Variants in ZNF69 observed in about 807,000 individuals in gnomAD.
The protein encoded by ZNF69 is ZNF3.
Under a neutral mutation model 50.9 loss-of-function variants are expected in ZNF69, and 47 were observed. The ratio of observed to expected loss-of-function variants is 0.92; its 90% CI spans 0.73 to 1.18. The LOEUF is 1.18. Among genes scored for constraint, ZNF69 ranks in the 50% most tolerant of loss-of-function variants. The pLI is 0.00. For synonymous variants in ZNF69, 216 were observed against 223.1 expected (o/e 0.97, Z 0.29); for missense variants, 717 against 675.1 (o/e 1.06, Z -0.69).
At chr19:11,976,378 G>C in the ZNF69 span, among the ~76,000 whole-genome samples, 27,597 of 151,264 alleles carry the variant, frequency 0.18, 5,450 homozygotes, top group African/African-American at 0.5. Context: ...ACCCCTTGTT[G>C]AGTTCTAGCA....
chr19:11,940,469 G>C, the ZNF69 span, among the ~76,000 whole-genome samples: 1 of 152,094 alleles, frequency 6.6e-6, no homozygotes, highest in Non-Finnish European at 1.5e-5. Flanking sequence ...TTCGTGGTGA[G>C]TGTTAACAGC....
In ZNF69 at chr19:11,906,280, C is replaced by G; in HGVS notation, c.*182C>G. ...ATAGCTGAACAAAAGGCAGCAGAAACTTCTGCAGACTTAAATGTCCCTGTC... is the reference window on the plus strand; with the variant it reads ...ATAGCTGAACAAAAGGCAGCAGAAAGTTCTGCAGACTTAAATGTCCCTGTC... On this transcript the variant is annotated 3_prime_UTR_variant, in exon 4 of 4. Coordinates refer to ENST00000429654, the MANE Select transcript of ZNF69 (RefSeq NM_001364730.1). 6.9e-7 allele frequency: 1 copy of G among 1,442,444 alleles called. No individual in the cohort carries two copies. Among genetic ancestry groups the G allele is most frequent in the East Asian group, 2.4e-5 (1 of 40,932 alleles). The allele number at this position is 1,442,444 out of a possible 1,614,324, so 89.4% of individuals were successfully genotyped here.
the ZNF69 span, among the ~76,000 whole-genome samples, chr19:11,933,495 T>A: frequency 4.7e-5 from 7 of 147,654 alleles, no homozygotes; most frequent in Non-Finnish European, 8.8e-5. Flanking sequence ...GGCCTCAAAA[T>A]CCCCTGTGCT....
the ZNF69 span, among the ~76,000 whole-genome samples, chr19:11,943,300 A>G: frequency 6.6e-6 from 1 of 152,104 alleles, no homozygotes; most frequent in Non-Finnish European, 1.5e-5. Context: ...GGTTAGGTTA[A>G]ATTTTCCATA....
rs770968851 is a variant in ZNF69, at chr19:11,905,983, C to G, written c.1586C>G (p.Thr529Ser). ...TTTCGATACCATGAAAGGACTCACACTGGAGAGAAACCCTATAAATGCAAG... is the reference window on the plus strand; with the variant it reads ...TTTCGATACCATGAAAGGACTCACAGTGGAGAGAAACCCTATAAATGCAAG... ...SSFRYHERTH[T>S]GEKPYKCKQC... Residue 529 changes from threonine to serine, a missense_variant, in exon 4 of 4, where the codon ACT becomes AGT. Thr to Ser is a moderately conservative substitution (Grantham distance 58). Coordinates refer to ENST00000429654, the MANE Select transcript of ZNF69 (RefSeq NM_001364730.1). The G allele has an allele frequency of 3.7e-6, 6 of 1,613,984 alleles. No homozygotes were observed. The highest frequency in any genetic ancestry group is 5.1e-6 in the Non-Finnish European group (6 of 1,180,008).
downstream of ZNF69, among the ~76,000 whole-genome samples, chr19:11,910,602 A>G (rs1972443839): frequency 6.6e-6 from 1 of 152,234 alleles, no homozygotes; most frequent in Admixed American, 6.5e-5. Context: ...TGGTGCTGGG[A>G]AAACTGGCTA....
downstream of ZNF69, among the ~76,000 whole-genome samples, chr19:11,908,236 T>C (rs190786281): frequency 4.2e-3 from 644 of 152,030 alleles, 3 homozygotes; most frequent in African/African-American, 0.015. Context: ...GACTTTAACA[T>C]CCCACTGTCA....
At chr19:11,929,641 C>A in the ZNF69 span, among the ~76,000 whole-genome samples, 3 of 148,046 alleles carry the variant, frequency 2.0e-5, no homozygotes, top group Non-Finnish European at 2.9e-5. Context: ...GGACACTACA[C>A]ACAGTTCAGT....
chr19:11,950,498 T>C, the ZNF69 span: 4 of 630,538 alleles, frequency 6.3e-6, no homozygotes, highest in African/African-American at 5.5e-5. Flanking sequence ...CCGTTTGATA[T>C]CATGAAAGGA....
At chr19:11,928,455 G>A in the ZNF69 span, among the ~76,000 whole-genome samples, 7 of 150,766 alleles carry the variant, frequency 4.6e-5, no homozygotes, top group East Asian at 1.9e-4. Context: ...TCTCTGGGCC[G>A]GGCGCGGTGG....
At position 11,906,411 on chromosome 19, in the gene ZNF69, G is replaced by A. The variant is rs760468738; in HGVS notation, c.*313G>A. 2 of 419,816 alleles carry A rather than the reference G, an allele frequency of 4.8e-6. No homozygotes were observed. Among genetic ancestry groups the A allele is most frequent in the Non-Finnish European group, 7.2e-6 (2 of 276,792 alleles). The allele number at this position is 419,816 out of a possible 1,614,324, so 26.0% of individuals were successfully genotyped here. A position where few individuals can be genotyped will look rare whatever the true frequency, so the allele number is the denominator to read the frequency against. The stretch of plus-strand genomic sequence containing the variant: ...TCCCTGATCTCCAAGTAGCCTAACT[G>A]GGAGGCACTTCCCAGTAGGGGCCAA... On this transcript the variant is annotated 3_prime_UTR_variant, in exon 4 of 4. Coordinates refer to ENST00000429654, the MANE Select transcript of ZNF69 (RefSeq NM_001364730.1).
the ZNF69 span, among the ~76,000 whole-genome samples, chr19:11,969,143 C>T: frequency 6.6e-6 from 1 of 152,132 alleles, no homozygotes; most frequent in Non-Finnish European, 1.5e-5. Flanking sequence ...CTCACTCTGT[C>T]GGCTAGGCTG....
intron 1 of ZNF69, among the ~76,000 whole-genome samples, chr19:11,889,455 G>T (rs936373414): frequency 2.6e-5 from 4 of 152,094 alleles, no homozygotes; most frequent in African/African-American, 7.2e-5. Context: ...TCACTTACCT[G>T]GGAAGGTACT....
the ZNF69 span, chr19:11,978,622 G>A: frequency 1.9e-6 from 3 of 1,614,030 alleles, no homozygotes; most frequent in Non-Finnish European, 2.5e-6. Flanking sequence ...TGTAAACAAT[G>A]TGTTAAATCC....
At chr19:11,889,015 AG>A (rs1434380431) in intron 1 of ZNF69, among the ~76,000 whole-genome samples, 1 of 152,062 alleles carries the variant, frequency 6.6e-6, no homozygotes, top group African/African-American at 2.4e-5. Context: ...GACCTGTGGA[AG>A]GGGGGTTAGA....
At chr19:11,925,500 C>T in the ZNF69 span, among the ~76,000 whole-genome samples, 1 of 152,138 alleles carries the variant, frequency 6.6e-6, no homozygotes, top group African/African-American at 2.4e-5. Context: ...GCGGCCGCGG[C>T]CCCTGCCCCG....
the ZNF69 span, chr19:11,950,474 A>G: frequency 1.8e-5 from 12 of 678,292 alleles, no homozygotes; most frequent in East Asian, 2.9e-4. Context: ...AAACCCTATG[A>G]GTGTATTCTA....
At chr19:11,938,063 T>C in the ZNF69 span, among the ~76,000 whole-genome samples, 1 of 152,004 alleles carries the variant, frequency 6.6e-6, no homozygotes, top group African/African-American at 2.4e-5. Flanking sequence ...TATTTATTCA[T>C]TCTTGTCGTT....
chr19:11,911,427 T>C (rs1972455937), downstream of ZNF69, among the ~76,000 whole-genome samples: 1 of 152,158 alleles, frequency 6.6e-6, no homozygotes, highest in African/African-American at 2.4e-5. Context: ...CCAAACCAAA[T>C]GTCCATCAAT....
Sources: gnomAD v4.1 joint callset for allele counts (sites outside exome capture counted in the v4.1 genomes callset) on GRCh38, gnomAD v4.1.1 for gene constraint, MANE v1.5 for transcripts, NCBI Gene and HGNC (gene_info 2026-07-23, HGNC 2026-07-21) for gene names.